Variants in STK32B observed in about 807,000 individuals in gnomAD.
The protein encoded by STK32B is serine/threonine-protein kinase 32B.
A neutral mutation model predicts 52.6 loss-of-function variants in STK32B; 43 were observed. That is an observed-to-expected ratio of 0.82 (90% CI 0.64 to 1.05). The LOEUF (loss-of-function observed/expected upper bound fraction) is 1.05, where lower values mean the gene tolerates loss of function less well. Among genes scored for constraint, STK32B ranks in the 50% least tolerant of loss-of-function variants. The pLI is 0.00. For synonymous variants in STK32B, 238 were observed against 204.3 expected (o/e 1.17, Z -1.41); for missense variants, 621 against 534.6 (o/e 1.16, Z -1.59).
chr4:5,391,423 C>T (rs1168432733), intron 4 of STK32B, among the ~76,000 whole-genome samples: 3 of 152,148 alleles, frequency 2.0e-5, no homozygotes, highest in East Asian at 3.9e-4. Context: ...ACACACTTTC[C>T]TGCAAAGACA....
At chr4:5,247,232 T>C (rs1038070285) in intron 3 of STK32B, among the ~76,000 whole-genome samples, 3 of 151,994 alleles carry the variant, frequency 2.0e-5, no homozygotes, top group Non-Finnish European at 2.9e-5. Flanking sequence ...CAGTTTGAGC[T>C]TCCTGGCCGC....
At chr4:5,038,843 ATTTC>A in the STK32B span, among the ~76,000 whole-genome samples, 4 of 152,090 alleles carry the variant, frequency 2.6e-5, no homozygotes, top group African/African-American at 9.7e-5. Flanking sequence ...AACATATTTT[ATTTC>A]TTTAATAATA....
At chr4:5,186,394 T>A (rs1295289573) in intron 3 of STK32B, among the ~76,000 whole-genome samples, 2 of 152,200 alleles carry the variant, frequency 1.3e-5, no homozygotes, top group African/African-American at 4.8e-5. Context: ...TATGTAGTGC[T>A]GTTAAGGGCC....
At chr4:5,155,895 A>T (rs1365808932) in intron 2 of STK32B, among the ~76,000 whole-genome samples, 1 of 152,100 alleles carries the variant, frequency 6.6e-6, no homozygotes, top group South Asian at 2.1e-4. Context: ...TAATATACCC[A>T]CTAAACAGTT....
intron 3 of STK32B, among the ~76,000 whole-genome samples, chr4:5,193,826 C>A (rs1483811344): frequency 6.6e-6 from 1 of 152,234 alleles, no homozygotes; most frequent in Non-Finnish European, 1.5e-5. Context: ...GGATGGTGGA[C>A]ACATTGAACT....
At chr4:5,325,945 G>C (rs1731844900) in intron 3 of STK32B, among the ~76,000 whole-genome samples, 1 of 152,202 alleles carries the variant, frequency 6.6e-6, no homozygotes, top group African/African-American at 2.4e-5. Context: ...TAATAATATT[G>C]AGTGTCTCTG....
intron 3 of STK32B, among the ~76,000 whole-genome samples, chr4:5,280,505 T>C (rs894840496): frequency 1.3e-5 from 2 of 152,194 alleles, no homozygotes; most frequent in African/African-American, 4.8e-5. Context: ...CATTTTGCAG[T>C]TCCAAACCTG....
chr4:5,239,996 T>A (rs193143176), intron 3 of STK32B, among the ~76,000 whole-genome samples: 35 of 152,180 alleles, frequency 2.3e-4, no homozygotes, highest in African/African-American at 8.2e-4. Flanking sequence ...TGTACCTGAC[T>A]ATCATTCTTT....
chr4:5,167,339 A>G (rs1252469863), intron 2 of STK32B, among the ~76,000 whole-genome samples: 1 of 152,214 alleles, frequency 6.6e-6, no homozygotes, highest in Non-Finnish European at 1.5e-5. Flanking sequence ...TGCTTTATCC[A>G]TAAGGTTCTT....
intron 1 of STK32B, among the ~76,000 whole-genome samples, chr4:5,053,088 C>G (rs1741854002): frequency 6.6e-6 from 1 of 152,214 alleles, no homozygotes; most frequent in South Asian, 2.1e-4. Flanking sequence ...GCTGTGAGTG[C>G]TACTCAGATG....
At chr4:5,389,226 A>C (rs960810710) in intron 4 of STK32B, among the ~76,000 whole-genome samples, 1 of 152,220 alleles carries the variant, frequency 6.6e-6, no homozygotes, top group Non-Finnish European at 1.5e-5. Context: ...TACGGACTCC[A>C]TGATGACTCC....
At chr4:5,021,986 A>C in the STK32B span, among the ~76,000 whole-genome samples, 7 of 152,112 alleles carry the variant, frequency 4.6e-5, no homozygotes, top group Admixed American at 1.3e-4. Flanking sequence ...GAAGAACACC[A>C]GAGGAGAGGG....
intron 4 of STK32B, among the ~76,000 whole-genome samples, chr4:5,336,269 G>A (rs983094073): frequency 1.3e-5 from 2 of 151,520 alleles, no homozygotes; most frequent in Admixed American, 6.6e-5. Flanking sequence ...GACTGAGCCC[G>A]AAGGAAAGAG....
upstream of STK32B, among the ~76,000 whole-genome samples, chr4:5,047,504 G>C (rs1347554974): frequency 6.6e-6 from 1 of 152,206 alleles, no homozygotes; most frequent in Non-Finnish European, 1.5e-5. Context: ...AGGTCTGATT[G>C]ATGGTTAATA....
intron 4 of STK32B, among the ~76,000 whole-genome samples, chr4:5,374,481 A>C (rs1470048305): frequency 2.0e-5 from 3 of 152,252 alleles, no homozygotes; most frequent in African/African-American, 7.2e-5. Context: ...GGCTGCTGTG[A>C]CACAATACCT....
At chr4:5,195,091 A>T (rs547885744) in intron 3 of STK32B, among the ~76,000 whole-genome samples, 4 of 152,080 alleles carry the variant, frequency 2.6e-5, no homozygotes, top group Non-Finnish European at 4.4e-5. Flanking sequence ...GCTTTTCTAG[A>T]CAGGGTTGTC....
chr4:5,419,401 T>C (rs116770339), intron 6 of STK32B, among the ~76,000 whole-genome samples: 3,678 of 152,300 alleles, frequency 0.024, 128 homozygotes, highest in African/African-American at 0.084. Context: ...GGCTTTTTCC[T>C]GGAAGGAGTT....
intron 3 of STK32B, among the ~76,000 whole-genome samples, chr4:5,310,110 G>T (rs1252611108): frequency 1.3e-5 from 2 of 152,138 alleles, no homozygotes; most frequent in Admixed American, 1.3e-4. Context: ...AGACTGCAGT[G>T]AGCCCAGATC....
chr4:5,362,382 G>C (rs1487114425), intron 4 of STK32B, among the ~76,000 whole-genome samples: 1 of 152,026 alleles, frequency 6.6e-6, no homozygotes, highest in Non-Finnish European at 1.5e-5. Context: ...AACCCTCCTG[G>C]TTCACCTCTC....
Sources: allele counts gnomAD v4.1 joint callset (sites outside exome capture counted in the v4.1 genomes callset), GRCh38; gene constraint gnomAD v4.1.1; transcripts MANE v1.5; gene names NCBI Gene and HGNC (gene_info 2026-07-23, HGNC 2026-07-21).